Variants in NR5A2 observed in about 807,000 individuals in gnomAD.
The protein encoded by NR5A2 is nuclear receptor subfamily 5 group A member 2.
A neutral mutation model predicts 62.7 loss-of-function variants in NR5A2; 26 were observed. The observed-to-expected ratio is 0.41, with a 90% CI of 0.30 to 0.58. The LOEUF (loss-of-function observed/expected upper bound fraction) is 0.58. Ranked by LOEUF, NR5A2 falls within the 20% of genes least tolerant of loss-of-function variation. The pLI is 0.22. For synonymous variants in NR5A2, 246 were observed against 241.7 expected (o/e 1.02, Z -0.16); for missense variants, 541 against 669.1 (o/e 0.81, Z 2.11).
chr1:200,084,091 C>T (rs2737659), intron 5 of NR5A2, among the ~76,000 whole-genome samples: 75,985 of 151,174 alleles, frequency 0.5, 19,126 homozygotes, highest in African/African-American at 0.55. Context: ...AAGTATTAGT[C>T]GTATGCCAGG....
chr1:200,035,957 T>A (rs1220463905), intron 1 of NR5A2, among the ~76,000 whole-genome samples: 1 of 152,122 alleles, frequency 6.6e-6, no homozygotes, highest in Non-Finnish European at 1.5e-5. Flanking sequence ...CGGGTTCTAG[T>A]CTCTGGTCTC....
At chr1:200,139,770 G>T (rs1667370008) in intron 7 of NR5A2, among the ~76,000 whole-genome samples, 1 of 152,188 alleles carries the variant, frequency 6.6e-6, no homozygotes, top group Non-Finnish European at 1.5e-5. Flanking sequence ...ATTTGTGGAA[G>T]TTTTGATATT....
intron 5 of NR5A2, among the ~76,000 whole-genome samples, chr1:200,092,348 A>C (rs963284203): frequency 3.3e-5 from 5 of 152,294 alleles, no homozygotes; most frequent in South Asian, 4.1e-4. Context: ...GTCTGTCTGT[A>C]GTGTGCTTTA....
intron 5 of NR5A2, among the ~76,000 whole-genome samples, chr1:200,099,835 A>G (rs1362776232): frequency 6.6e-6 from 1 of 151,918 alleles, no homozygotes; most frequent in South Asian, 2.1e-4. Flanking sequence ...CTCGTGATCC[A>G]CCCACCTCGG....
At chr1:200,135,312 C>T (rs990385382) in intron 7 of NR5A2, among the ~76,000 whole-genome samples, 6 of 152,030 alleles carry the variant, frequency 3.9e-5, no homozygotes, top group African/African-American at 7.2e-5. Flanking sequence ...CCTGAGGTCG[C>T]GAGTTCGAGA....
At chr1:200,079,717 G>T (rs1213916534) in intron 5 of NR5A2, among the ~76,000 whole-genome samples, 5 of 152,198 alleles carry the variant, frequency 3.3e-5, no homozygotes, top group African/African-American at 4.8e-5. Context: ...CCTTTTGCAT[G>T]CCTTTAGGAA....
intron 5 of NR5A2, among the ~76,000 whole-genome samples, chr1:200,064,421 G>A (rs1053225524): frequency 2.0e-5 from 3 of 152,158 alleles, no homozygotes; most frequent in African/African-American, 4.8e-5. Flanking sequence ...GGTTCAGGGC[G>A]GCATCACTAG....
At chr1:200,109,512 T>C (rs1156233590) in intron 5 of NR5A2, among the ~76,000 whole-genome samples, 3 of 152,162 alleles carry the variant, frequency 2.0e-5, no homozygotes, top group Non-Finnish European at 2.9e-5. Flanking sequence ...AGCTAGAAAG[T>C]GTGGAACTGT....
At chr1:200,167,418 A>G (rs1392228640) in intron 7 of NR5A2, among the ~76,000 whole-genome samples, 1 of 151,976 alleles carries the variant, frequency 6.6e-6, no homozygotes, top group Non-Finnish European at 1.5e-5. Flanking sequence ...AACCATCTTG[A>G]TGCCTTTCAA....
At chr1:200,052,251 C>G (rs1412890530) in intron 5 of NR5A2, among the ~76,000 whole-genome samples, 1 of 152,190 alleles carries the variant, frequency 6.6e-6, no homozygotes, top group Non-Finnish European at 1.5e-5. Context: ...TATAAGACAT[C>G]TTTGAAACCC....
At chr1:200,081,098 G>A (rs1664272142) in intron 5 of NR5A2, among the ~76,000 whole-genome samples, 1 of 152,156 alleles carries the variant, frequency 6.6e-6, no homozygotes, top group South Asian at 2.1e-4. Context: ...TGAATGAGGA[G>A]CATTAGCCGT....
intron 7 of NR5A2, among the ~76,000 whole-genome samples, chr1:200,158,082 A>G (rs898921853): frequency 6.6e-6 from 1 of 152,258 alleles, no homozygotes; most frequent in African/African-American, 2.4e-5. Context: ...ACCAAGTACA[A>G]TAAACTTCAC....
At chr1:200,158,887 T>A (rs1653504909) in intron 7 of NR5A2, among the ~76,000 whole-genome samples, 1 of 146,996 alleles carries the variant, frequency 6.8e-6, no homozygotes, top group African/African-American at 2.6e-5. Context: ...GACCTGACCT[T>A]AATATGTTTG....
At chr1:200,063,539 A>G (rs1310613613) in intron 5 of NR5A2, among the ~76,000 whole-genome samples, 1 of 152,122 alleles carries the variant, frequency 6.6e-6, no homozygotes, top group East Asian at 1.9e-4. Flanking sequence ...GACCATTGAG[A>G]ATTGCTTTTA....
Position 200,045,430 on chromosome 1 carries a change from C to G in NR5A2, c.322-13C>G. On this transcript the variant is annotated splice_polypyrimidine_tract_variant and intron_variant, in intron 3 of 7. Coordinates refer to ENST00000367362, the MANE Select transcript of NR5A2 (RefSeq NM_205860.3). The stretch of plus-strand genomic sequence containing the variant: ...GATTTATAATACGTCTCACTATTTT[C>G]TCTGTCTTATAGGGATTTTTTAAGC... 1 of 1,566,644 alleles carries G rather than the reference C, an allele frequency of 6.4e-7. No individual in the cohort carries two copies. Among genetic ancestry groups the G allele is most frequent in the South Asian group, 1.2e-5 (1 of 83,298 alleles).
chr1:200,109,768 G>A (rs1665851781), intron 5 of NR5A2, among the ~76,000 whole-genome samples: 1 of 152,130 alleles, frequency 6.6e-6, no homozygotes, highest in African/African-American at 2.4e-5. Context: ...GAGGGAGAAT[G>A]AGAATTCTTA....
Position 200,174,698 on chromosome 1 carries a change from C to G in NR5A2, c.*488C>G, listed in dbSNP as rs1654341641. ...CAGCTGTACCTACAATAGCCCCTCCCTCTTCCTTTGAAGGCCCCAGCACCT... is the reference window on the plus strand; with the variant it reads ...CAGCTGTACCTACAATAGCCCCTCCGTCTTCCTTTGAAGGCCCCAGCACCT... On this transcript the variant is annotated 3_prime_UTR_variant, in exon 8 of 8. Coordinates refer to ENST00000367362, the MANE Select transcript of NR5A2 (RefSeq NM_205860.3). 1 of 152,788 alleles carries G rather than the reference C, an allele frequency of 6.5e-6. No individual in the cohort carries two copies. The highest frequency in any genetic ancestry group is 1.5e-5 in the Non-Finnish European group (1 of 68,208). 9.5% of individuals were successfully genotyped at this position (152,788 alleles called of 1,614,324 possible). A position where few individuals can be genotyped will look rare whatever the true frequency, so the allele number is the denominator to read the frequency against.
Position 200,136,600 on chromosome 1 carries a change from G to A in NR5A2, c.1378+15645G>A, listed in dbSNP as rs193127700. Reference sequence around the variant, plus strand: ...TGCTGAGCTAGTAAGTAATAGAACTGGGATTTGCACACTTTAGTCATCAAA... The same window carrying A: ...TGCTGAGCTAGTAAGTAATAGAACTAGGATTTGCACACTTTAGTCATCAAA... On this transcript the variant is annotated intron_variant, in intron 7 of 7. Transcript: ENST00000367362. Among the ~76,000 whole-genome samples the A allele has an allele frequency of 9.9e-5, 15 of 152,268 alleles. No homozygotes were observed. In the East Asian group the frequency reaches 2.9e-3, roughly 29 times the overall value.
chr1:200,103,650 A>G (rs1665503974), intron 5 of NR5A2, among the ~76,000 whole-genome samples: 1 of 152,234 alleles, frequency 6.6e-6, no homozygotes, highest in Non-Finnish European at 1.5e-5. Context: ...TTTACATGTC[A>G]CAGCAGTATC....
Sources: allele counts gnomAD v4.1 joint callset (sites outside exome capture counted in the v4.1 genomes callset), GRCh38; gene constraint gnomAD v4.1.1; transcripts MANE v1.5; gene names NCBI Gene and HGNC (gene_info 2026-07-23, HGNC 2026-07-21).